Variants in DOCK3 observed in about 807,000 individuals in gnomAD.
DOCK3 encodes the protein dedicator of cytokinesis 3, also known as dedicator of cytokinesis protein 3.
In DOCK3, 60 loss-of-function variants were observed where a neutral mutation model predicts 265.6. The observed-to-expected ratio is 0.23, with a 90% CI of 0.18 to 0.28. DOCK3 has a LOEUF of 0.28. Ranked by LOEUF, DOCK3 falls within the 10% of genes least tolerant of loss-of-function variation. DOCK3 has a pLI of 1.00. For synonymous variants in DOCK3, 881 were observed against 938.0 expected (o/e 0.94, Z 1.11); for missense variants, 1,981 against 2,594.3 (o/e 0.76, Z 5.14).
chr3:51,167,295 T>C (rs1187396822), intron 12 of DOCK3, among the ~76,000 whole-genome samples: 1 of 152,236 alleles, frequency 6.6e-6, no homozygotes, highest in African/African-American at 2.4e-5. Flanking sequence ...TTCTGTTCCA[T>C]TGGTCTATGT....
chr3:51,119,111 C>T (rs185749974), intron 9 of DOCK3, among the ~76,000 whole-genome samples: 6 of 152,204 alleles, frequency 3.9e-5, no homozygotes, highest in South Asian at 2.1e-4. Flanking sequence ...TGGCTGATAC[C>T]GGCTTTTCCT....
chr3:50,858,005 A>G (rs2107469810), intron 3 of DOCK3, among the ~76,000 whole-genome samples: 1 of 152,348 alleles, frequency 6.6e-6, no homozygotes, highest in South Asian at 2.1e-4. Flanking sequence ...ACTATTCACA[A>G]TAGCAAAAAC....
chr3:51,205,422 T>TTA (rs1187685445), intron 12 of DOCK3, among the ~76,000 whole-genome samples: 6 of 151,298 alleles, frequency 4.0e-5, no homozygotes, highest in Non-Finnish European at 7.4e-5. Context: ...GGCCCAGGTG[T>TTA]GGTGGCTCAT....
intron 9 of DOCK3, among the ~76,000 whole-genome samples, chr3:51,098,155 C>T (rs1004821391): frequency 6.6e-6 from 1 of 152,210 alleles, no homozygotes; most frequent in African/African-American, 2.4e-5. Flanking sequence ...CTTCCGGTTT[C>T]AAGCTGTTCT....
At chr3:51,173,011 A>G (rs1026334201) in intron 12 of DOCK3, among the ~76,000 whole-genome samples, 4 of 152,200 alleles carry the variant, frequency 2.6e-5, no homozygotes, top group Non-Finnish European at 5.9e-5. Context: ...AGCAATAACT[A>G]TTCTTAATAT....
intron 2 of DOCK3, among the ~76,000 whole-genome samples, chr3:50,808,368 A>G (rs2059674038): frequency 6.6e-6 from 1 of 152,188 alleles, no homozygotes; most frequent in Admixed American, 6.5e-5. Flanking sequence ...TGATTATGAC[A>G]TTCATATGAA....
At chr3:51,259,553 C>T in intron 22 of DOCK3, among the ~76,000 whole-genome samples, 1 of 152,262 alleles carries the variant, frequency 6.6e-6, no homozygotes, top group East Asian at 1.9e-4. Flanking sequence ...TTATGAACTG[C>T]TTATAGCAGA....
intron 5 of DOCK3, among the ~76,000 whole-genome samples, chr3:50,970,889 TTTTATATATATA>T (rs1477029933): frequency 0.043 from 1,860 of 42,794 alleles, 250 homozygotes; most frequent in Non-Finnish European, 0.058. Context: ...CTCATCTAAT[TTTTATATATATA>T]TATATATATA....
chr3:50,874,395 AC>A (rs1394281622), intron 3 of DOCK3, among the ~76,000 whole-genome samples: 1 of 151,940 alleles, frequency 6.6e-6, no homozygotes, highest in Non-Finnish European at 1.5e-5. Flanking sequence ...AGTCCCAGCT[AC>A]CTGGGAGGCT....
chr3:50,938,370 A>G (rs749538153), intron 5 of DOCK3, among the ~76,000 whole-genome samples: 4 of 152,184 alleles, frequency 2.6e-5, no homozygotes, highest in Non-Finnish European at 4.4e-5. Context: ...TATAACCACT[A>G]GGCAATAGTC....
In DOCK3 at chr3:51,315,069, A is replaced by G. The variant is rs369057419; in HGVS notation, c.3343A>G (p.Ile1115Val). 24 of 1,612,992 alleles carry G rather than the reference A, an allele frequency of 1.5e-5. No homozygotes were observed. The highest frequency in any genetic ancestry group is 2.0e-5 in the Non-Finnish European group (23 of 1,179,334). ...VPQPEVRNIM[I>V]PIFHDMMDWE... ...ACAGCCAGAAGTACGGAATATCATG[A>G]TTCCCATCTTTCATGACATGATGGA... is the stretch of plus-strand genomic sequence containing the variant. The change falls in exon 32 of 53, where the codon ATT (isoleucine) becomes GTT (valine). Residue 1115 changes from isoleucine to valine, a missense_variant. Physicochemically the swap from Ile to Val is conservative, Grantham distance 29. Transcript: ENST00000266037.
intron 4 of DOCK3, among the ~76,000 whole-genome samples, chr3:50,921,364 T>C (rs1453155771): frequency 6.6e-6 from 1 of 152,222 alleles, no homozygotes; most frequent in African/African-American, 2.4e-5. Context: ...TGTGCATGTG[T>C]CACGTAGTTC....
At chr3:50,907,959 G>A (rs1258691868) in intron 4 of DOCK3, among the ~76,000 whole-genome samples, 2 of 151,952 alleles carry the variant, frequency 1.3e-5, no homozygotes, top group East Asian at 3.9e-4. Context: ...GAGGGCATAT[G>A]CATCCAGTCA....
chr3:50,746,271 T>C (rs1241000247), intron 1 of DOCK3, among the ~76,000 whole-genome samples: 1 of 152,034 alleles, frequency 6.6e-6, no homozygotes, highest in Non-Finnish European at 1.5e-5. Flanking sequence ...CATGCCTGGC[T>C]AATTTTTGTA....
intron 1 of DOCK3, among the ~76,000 whole-genome samples, chr3:50,701,982 T>C (rs914732459): frequency 2.6e-5 from 4 of 152,220 alleles, no homozygotes; most frequent in Non-Finnish European, 4.4e-5. Context: ...TTGTAGTATA[T>C]TTTGAAGTCC....
intron 15 of DOCK3, among the ~76,000 whole-genome samples, chr3:51,226,540 T>G (rs1048846857): frequency 6.6e-6 from 1 of 152,172 alleles, no homozygotes; most frequent in East Asian, 1.9e-4. Flanking sequence ...TAGAGGAGAA[T>G]GTTGAAATAG....
At chr3:51,243,030 G>T (rs1361148679) in intron 21 of DOCK3, among the ~76,000 whole-genome samples, 1 of 152,160 alleles carries the variant, frequency 6.6e-6, no homozygotes, top group Non-Finnish European at 1.5e-5. Context: ...CTGCAAGCAG[G>T]TATGGCCAGA....
intron 3 of DOCK3, chr3:50,877,763 T>G (rs894551635): frequency 3.4e-6 from 1 of 294,402 alleles, no homozygotes; most frequent in Non-Finnish European, 6.6e-6. Flanking sequence ...AACCTCCGCC[T>G]CCTGGGTTCA....
At chr3:51,349,055 C>A in intron 39 of DOCK3, 117 bp downstream of exon 39, 1 of 973,688 alleles carries the variant, frequency 1.0e-6, no homozygotes, top group Non-Finnish European at 1.5e-6. Flanking sequence ...AAACAAAAGC[C>A]AAGACTCCTG....
Sources: gnomAD v4.1 joint callset for allele counts (sites outside exome capture counted in the v4.1 genomes callset) on GRCh38, gnomAD v4.1.1 for gene constraint, MANE v1.5 for transcripts, NCBI Gene and HGNC (gene_info 2026-07-23, HGNC 2026-07-21) for gene names.